Variants in HS6ST3 observed in about 807,000 individuals in gnomAD.
The protein encoded by HS6ST3 is heparan-sulfate 6-O-sulfotransferase 3.
HS6ST3 carries 12 observed loss-of-function variants against 36.7 expected under a neutral mutation model. That is an observed-to-expected ratio of 0.33 (90% CI 0.21 to 0.53). The LOEUF (loss-of-function observed/expected upper bound fraction) is 0.53. HS6ST3 is among the 20% of genes least tolerant of loss of function. HS6ST3 has a pLI of 0.95. For missense variants in HS6ST3, 584 were observed against 640.9 expected, an observed-to-expected ratio of 0.91 and a Z score of 0.96; for synonymous variants, 240 against 257.5, an observed-to-expected ratio of 0.93 and a Z score of 0.65.
intron 1 of HS6ST3, among the ~76,000 whole-genome samples, chr13:96,759,884 C>T (rs1876922898): frequency 6.6e-6 from 1 of 152,014 alleles, no homozygotes; most frequent in South Asian, 2.1e-4. Context: ...GCTTCAATTA[C>T]TCCTTATTCC....
chr13:96,683,401 A>T (rs568315203), intron 1 of HS6ST3, among the ~76,000 whole-genome samples: 1 of 152,146 alleles, frequency 6.6e-6, no homozygotes, highest in Non-Finnish European at 1.5e-5. Flanking sequence ...ATTTTTACTG[A>T]TAGAGACCAT....
intron 1 of HS6ST3, among the ~76,000 whole-genome samples, chr13:96,712,290 A>C (rs1320642621): frequency 6.6e-6 from 1 of 152,208 alleles, no homozygotes; most frequent in Non-Finnish European, 1.5e-5. Flanking sequence ...TAAGAGACAT[A>C]AATTCATCTC....
intron 1 of HS6ST3, among the ~76,000 whole-genome samples, chr13:96,739,974 C>T (rs1430572565): frequency 1.3e-5 from 2 of 152,150 alleles, no homozygotes; most frequent in Non-Finnish European, 2.9e-5. Flanking sequence ...TATACTTCCC[C>T]TTCAAGTCTG....
intron 1 of HS6ST3, among the ~76,000 whole-genome samples, chr13:96,643,205 A>T (rs2056576329): frequency 6.6e-6 from 1 of 151,902 alleles, no homozygotes; most frequent in Non-Finnish European, 1.5e-5. Flanking sequence ...TATGCCTGAA[A>T]CTGATGAATC....
chr13:96,142,662 C>T (rs931947315), intron 1 of HS6ST3, among the ~76,000 whole-genome samples: 3 of 152,132 alleles, frequency 2.0e-5, no homozygotes, highest in African/African-American at 7.2e-5. Flanking sequence ...TTATGATACA[C>T]GGGAACATCT....
chr13:96,708,506 A>T (rs1044097015), intron 1 of HS6ST3, among the ~76,000 whole-genome samples: 1 of 152,198 alleles, frequency 6.6e-6, no homozygotes, highest in Non-Finnish European at 1.5e-5. Context: ...TGCTTAGCAC[A>T]TCCTACACTT....
intron 1 of HS6ST3, among the ~76,000 whole-genome samples, chr13:96,621,396 C>T (rs1401711197): frequency 6.6e-6 from 1 of 152,208 alleles, no homozygotes; most frequent in Non-Finnish European, 1.5e-5. Context: ...TGCACTCTCA[C>T]TTCCCTCCTG....
intron 1 of HS6ST3, among the ~76,000 whole-genome samples, chr13:96,147,398 A>T (rs1043082249): frequency 5.3e-5 from 8 of 152,212 alleles, no homozygotes; most frequent in Non-Finnish European, 1.0e-4. Context: ...AATGAAACTG[A>T]AGAGTCACTA....
Position 96,091,204 on chromosome 13 carries a change from C to T in HS6ST3, c.342C>T (p.Ala114=). ...EEEEDEPDPE[A]PENGSLPRFV... is the part of the protein sequence containing the mutation. ...AGGAAGACGAGCCGGACCCCGAGGC[C>T]CCGGAAAACGGCTCCCTGCCCCGAT... The change falls in exon 1 of 2, where the codon GCC becomes GCT. Residue 114 remains alanine (A), a synonymous_variant. Coordinates refer to ENST00000376705, the MANE Select transcript of HS6ST3 (RefSeq NM_153456.4). 1.3e-6 allele frequency: 2 copies of T among 1,562,586 alleles called. No homozygotes were observed. Among genetic ancestry groups the T allele is most frequent in the East Asian group, 2.4e-5 (1 of 41,514 alleles).
chr13:96,700,475 G>A (rs1245421871), intron 1 of HS6ST3, among the ~76,000 whole-genome samples: 2 of 152,052 alleles, frequency 1.3e-5, no homozygotes, highest in African/African-American at 2.4e-5. Context: ...CCCTTGCTCA[G>A]GACCTGAGCA....
intron 1 of HS6ST3, among the ~76,000 whole-genome samples, chr13:96,491,531 A>G (rs779891009): frequency 2.7e-5 from 4 of 150,894 alleles, no homozygotes; most frequent in Non-Finnish European, 5.9e-5. Flanking sequence ...GGACTTTGAG[A>G]GGAGTGTGGT....
chr13:96,646,404 G>A (rs1483269013), intron 1 of HS6ST3, among the ~76,000 whole-genome samples: 1 of 151,968 alleles, frequency 6.6e-6, no homozygotes, highest in East Asian at 1.9e-4. Flanking sequence ...TGAATACATT[G>A]AATGTGAATC....
intron 1 of HS6ST3, among the ~76,000 whole-genome samples, chr13:96,650,016 C>A (rs1282329830): frequency 6.6e-6 from 1 of 151,932 alleles, no homozygotes; most frequent in Non-Finnish European, 1.5e-5. Context: ...TCCCTAAAGA[C>A]TCACTTGGCT....
intron 1 of HS6ST3, among the ~76,000 whole-genome samples, chr13:96,528,963 T>C (rs2138933117): frequency 6.6e-6 from 1 of 152,272 alleles, no homozygotes; most frequent in South Asian, 2.1e-4. Context: ...GTTAGTATAA[T>C]AATATTTTTT....
At position 96,564,161 on chromosome 13, in the gene HS6ST3, T is replaced by G. The variant is rs545399644; in HGVS notation, c.708-268329T>G. 3.9e-5 allele frequency among the ~76,000 whole-genome samples: 6 copies of G among 152,274 alleles called. No individual in the cohort carries two copies. The East Asian group carries it at 1.2e-3, about 29-fold the overall frequency. On this transcript the variant is annotated intron_variant, in intron 1 of 1. Coordinates refer to ENST00000376705, the MANE Select transcript of HS6ST3 (RefSeq NM_153456.4). ...TTTGAAAGTTTCCACAGAGCATGAG[T>G]AATTAGGCAACTTAGCACAGTACTT...
rs189566664 is a variant in HS6ST3 at position 96,374,583 on chromosome 13, C to G, written c.707+283014C>G. On this transcript the variant is annotated intron_variant, in intron 1 of 1. Coordinates refer to ENST00000376705, the MANE Select transcript of HS6ST3 (RefSeq NM_153456.4). Reference sequence around the variant, plus strand: ...GAACACTCCTTGTCCTTTTTCATTTCCATCTTCTGCAAAGACCTTGAGTAG... The same window carrying G: ...GAACACTCCTTGTCCTTTTTCATTTGCATCTTCTGCAAAGACCTTGAGTAG... Among the ~76,000 whole-genome samples, 65 of 152,242 alleles carry G rather than the reference C, an allele frequency of 4.3e-4. 1 individual carries two copies. The highest frequency in any genetic ancestry group is 1.5e-3 in the African/African-American group (63 of 41,558).
At chr13:96,774,780 T>C (rs1877347568) in intron 1 of HS6ST3, among the ~76,000 whole-genome samples, 1 of 152,096 alleles carries the variant, frequency 6.6e-6, no homozygotes, top group Non-Finnish European at 1.5e-5. Context: ...CCAGGAGAAC[T>C]TCCCCAACCT....
chr13:96,144,697 T>A (rs1394232204), intron 1 of HS6ST3, among the ~76,000 whole-genome samples: 2 of 151,600 alleles, frequency 1.3e-5, no homozygotes, highest in Non-Finnish European at 2.9e-5. Context: ...ACCTGCAGGT[T>A]TGTTACATAT....
intron 1 of HS6ST3, among the ~76,000 whole-genome samples, chr13:96,416,751 CA>C (rs1464633879): frequency 2.7e-5 from 4 of 146,342 alleles, no homozygotes; most frequent in African/African-American, 1.0e-4. Flanking sequence ...CATAGGGTAA[CA>C]TTTTTTTTTT....
Sources: allele counts gnomAD v4.1 joint callset (sites outside exome capture counted in the v4.1 genomes callset), GRCh38; gene constraint gnomAD v4.1.1; transcripts MANE v1.5; gene names NCBI Gene and HGNC (gene_info 2026-07-23, HGNC 2026-07-21).